The following CADPS variants were observed in gnomAD, a reference collection of about 807,000 sequenced individuals.
The protein encoded by CADPS is calcium dependent secretion activator.
Under a neutral mutation model 167.3 loss-of-function variants are expected in CADPS, and 57 were observed. That is an observed-to-expected ratio of 0.34 (90% confidence interval 0.28 to 0.42). The LOEUF (loss-of-function observed/expected upper bound fraction) is 0.42. Among genes scored for constraint, CADPS ranks in the 20% least tolerant of loss-of-function variants. The pLI is 1.00. For missense variants in CADPS, 1,414 were observed against 1,738.1 expected (o/e 0.81, Z 3.32); for synonymous variants, 676 against 635.3 (o/e 1.06, Z -0.96).
In CADPS at chr3:62,438,879, A is replaced by C. The variant is rs915526421; in HGVS notation, c.3670-668T>G. ...AGTCCAAGGATTAAAAAGAAGAAGA[A>C]GAAGAGAAGAAACAAAAGGCAGGGG... On this transcript the variant is annotated intron_variant, in intron 27 of 29. Coordinates refer to ENST00000383710, the MANE Select transcript of CADPS (RefSeq NM_003716.4). This position sits in a 1 kb window ranked among gnomAD's most constrained non-coding sequence, Gnocchi z 4.7. 6.6e-6 allele frequency: 1 copy of C among 152,168 alleles called. No homozygotes were observed. Among genetic ancestry groups the C allele is most frequent in the Non-Finnish European group, 1.5e-5 (1 of 68,040 alleles). 9.4% of individuals were successfully genotyped at this position (152,168 alleles called of 1,614,324 possible). A position where few individuals can be genotyped will look rare whatever the true frequency, so the allele number is the denominator to read the frequency against.
chr3:62,549,984 G>T lies in CADPS; in HGVS notation c.1885C>A (p.Pro629Thr). ...TTCTGGACTTGGGTCGGGGGCACAG[G>T]CTTGTGTGACTGCCCCGTGGCCCGA... is the stretch of plus-strand genomic sequence containing the variant. ...MYRATGQSHK[P>T]VPPTQVQKLN... Residue 629 changes from proline to threonine, a missense_variant, in exon 11 of 30, where the codon CCT becomes ACT. Pro to Thr is a conservative substitution (Grantham distance 38). Transcript: ENST00000383710. The T allele has an allele frequency of 3.7e-6, 6 of 1,614,092 alleles. No homozygotes were observed. Among genetic ancestry groups the T allele is most frequent in the Non-Finnish European group, 5.1e-6 (6 of 1,179,982 alleles).
In CADPS at chr3:62,858,167, T is replaced by C. The variant is rs569788471; in HGVS notation, c.441+16422A>G. 1.9e-4 allele frequency among the ~76,000 whole-genome samples: 29 copies of C among 152,308 alleles called. No individual in the cohort carries two copies. In the East Asian group the frequency reaches 1.9e-3, roughly 10 times the overall value. Reference sequence around the variant, plus strand: ...TTTACTATTTTATTGGAAGTCCAGATGAAAGGTGGGCTCCAGATCTGGCTT... The same window carrying C: ...TTTACTATTTTATTGGAAGTCCAGACGAAAGGTGGGCTCCAGATCTGGCTT... On this transcript the variant is annotated intron_variant, in intron 1 of 29. Coordinates refer to ENST00000383710, the MANE Select transcript of CADPS (RefSeq NM_003716.4).
At chr3:62,717,336 A>G (rs1460857452) in intron 3 of CADPS, among the ~76,000 whole-genome samples, 1 of 152,170 alleles carries the variant, frequency 6.6e-6, no homozygotes, top group Non-Finnish European at 1.5e-5. Context: ...GGTGTTTAGC[A>G]TTTATTACAC....
intron 28 of CADPS, among the ~76,000 whole-genome samples, chr3:62,408,974 C>T (rs1055105128): frequency 1.1e-4 from 16 of 152,230 alleles, no homozygotes; most frequent in South Asian, 4.1e-4. Context: ...TATGCACTCA[C>T]GTGCATGTAC....
At chr3:62,783,875 GA>G (rs910811542) in intron 1 of CADPS, among the ~76,000 whole-genome samples, 9 of 152,204 alleles carry the variant, frequency 5.9e-5, no homozygotes, top group African/African-American at 1.9e-4. Context: ...TTATCTGAGA[GA>G]AGGAGAGAAA....
At chr3:62,576,767 G>A (rs544645110) in intron 8 of CADPS, among the ~76,000 whole-genome samples, 75 of 113,598 alleles carry the variant, frequency 6.6e-4, no homozygotes, top group Non-Finnish European at 1.0e-3. Context: ...TTCAGCCTGG[G>A]TGACAGAGCA....
intron 1 of CADPS, among the ~76,000 whole-genome samples, chr3:62,838,776 A>G (rs1203208250): frequency 6.6e-6 from 1 of 152,206 alleles, no homozygotes; most frequent in Non-Finnish European, 1.5e-5. Context: ...TTGAATATAG[A>G]AGGAATTGCT....
At chr3:62,561,850 T>G (rs531799672) in intron 9 of CADPS, among the ~76,000 whole-genome samples, 1 of 152,346 alleles carries the variant, frequency 6.6e-6, no homozygotes, top group East Asian at 1.9e-4. Context: ...AGCTGTTATT[T>G]TTACTGAACT....
At chr3:62,685,467 A>T (rs962882804) in intron 3 of CADPS, among the ~76,000 whole-genome samples, 3 of 152,036 alleles carry the variant, frequency 2.0e-5, no homozygotes, top group African/African-American at 7.3e-5. Context: ...GGGACCTTAA[A>T]AACAGACTAA....
At position 62,590,241 on chromosome 3, in the gene CADPS, C is replaced by T. The variant is rs1372516251; in HGVS notation, c.1437+2396G>A. ...ATCCTGGATCCTGGGTCTTCGGAGG[C>T]TCATTGTGGACCCAGGTTGAGCATC... On this transcript the variant is annotated intron_variant, in intron 7 of 29. Coordinates refer to ENST00000383710, the MANE Select transcript of CADPS (RefSeq NM_003716.4). 3.3e-5 allele frequency among the ~76,000 whole-genome samples: 5 copies of T among 151,794 alleles called. No individual in the cohort carries two copies. The East Asian group carries it at 9.7e-4, about 29-fold the overall frequency.
chr3:62,629,215 G>A (rs1294813330), intron 6 of CADPS, among the ~76,000 whole-genome samples: 1 of 151,942 alleles, frequency 6.6e-6, no homozygotes, highest in Non-Finnish European at 1.5e-5. Flanking sequence ...TGCCACTATT[G>A]CTGTACTCCA....
In CADPS at chr3:62,564,320, G is replaced by T. The variant is rs542565958; in HGVS notation, c.1644+6552C>A. Among the ~76,000 whole-genome samples, 9 of 152,100 alleles carry T rather than the reference G, an allele frequency of 5.9e-5. No homozygotes were observed. The South Asian group carries it at 1.7e-3, about 28-fold the overall frequency. ...CTGGCCTGTGTTAGGTTTCATATTT[G>T]GCTGCTTACAAGCCATTGACCTTGG... On this transcript the variant is annotated intron_variant, in intron 9 of 29. Transcript: ENST00000383710.
intron 26 of CADPS, among the ~76,000 whole-genome samples, chr3:62,452,667 G>A (rs893018711): frequency 6.6e-6 from 1 of 152,200 alleles, no homozygotes; most frequent in African/African-American, 2.4e-5. Context: ...GATGGGTACA[G>A]CTTAAAGTTA....
intron 9 of CADPS, among the ~76,000 whole-genome samples, chr3:62,563,432 A>G (rs2079536987): frequency 6.6e-6 from 1 of 152,236 alleles, no homozygotes; most frequent in Non-Finnish European, 1.5e-5. Flanking sequence ...AAGCTGGAAC[A>G]TAATTTTTGG....
chr3:62,860,925 G>A (rs1277661773), intron 1 of CADPS, among the ~76,000 whole-genome samples: 1 of 152,082 alleles, frequency 6.6e-6, no homozygotes, highest in African/African-American at 2.4e-5. Context: ...TGCAAATTTA[G>A]GTTGGTTTGG....
At chr3:62,411,797 T>C (rs2049012264) in intron 28 of CADPS, among the ~76,000 whole-genome samples, 1 of 152,244 alleles carries the variant, frequency 6.6e-6, no homozygotes. Flanking sequence ...ACGCAGTTCA[T>C]AGCAAGTTTC....
chr3:62,599,317 T>C (rs965815730), intron 6 of CADPS, among the ~76,000 whole-genome samples: 3 of 150,970 alleles, frequency 2.0e-5, no homozygotes, highest in Non-Finnish European at 4.4e-5. Flanking sequence ...ACGTTAAAAA[T>C]AGCCACCAAT....
chr3:62,791,294 T>C (rs2092923579), intron 1 of CADPS, among the ~76,000 whole-genome samples: 1 of 152,214 alleles, frequency 6.6e-6, no homozygotes, highest in Admixed American at 6.5e-5. Context: ...GTGCTTGCAA[T>C]ATGACTAGTG....
At chr3:62,410,534 G>A (rs2048767352) in intron 28 of CADPS, among the ~76,000 whole-genome samples, 2 of 152,214 alleles carry the variant, frequency 1.3e-5, no homozygotes. Context: ...AGTGCAACCT[G>A]TGGCTAAGAA....
Sources: gnomAD v4.1 joint callset for allele counts (sites outside exome capture counted in the v4.1 genomes callset) on GRCh38, gnomAD v4.1.1 for gene constraint, Gnocchi (gnomAD v3.1) non-coding constraint, MANE v1.5 for transcripts, NCBI Gene and HGNC (gene_info 2026-07-23, HGNC 2026-07-21) for gene names.